The following CLVS1 variants were observed in gnomAD, a reference collection of about 807,000 sequenced individuals.
CLVS1 encodes clavesin-1.
Under a neutral mutation model 33.1 loss-of-function variants are expected in CLVS1, and 10 were observed. The observed-to-expected ratio is 0.30, with a 90% CI of 0.19 to 0.51. The LOEUF is 0.51. Among genes scored for constraint, CLVS1 ranks in the 20% least tolerant of loss-of-function variants. The pLI, the probability that CLVS1 is intolerant of heterozygous loss-of-function variation, is 0.97. For missense variants in CLVS1, 343 were observed against 433.4 expected (o/e 0.79, Z 1.85); for synonymous variants, 163 against 166.1 (o/e 0.98, Z 0.14).
intron 3 of CLVS1, among the ~76,000 whole-genome samples, chr8:61,408,237 A>G (rs969662722): frequency 3.3e-5 from 5 of 152,260 alleles, no homozygotes; most frequent in African/African-American, 1.2e-4. Context: ...AGAGGATGTA[A>G]GGAAGCAATA....
chr8:61,008,464 C>CTTTT, the CLVS1 span, among the ~76,000 whole-genome samples: 1 of 135,040 alleles, frequency 7.4e-6, no homozygotes, highest in Admixed American at 7.4e-5. Context: ...TGGGGATTTA[C>CTTTT]TTTTTTTTTT....
At chr8:61,216,342 T>A (rs1172885239) in intron 2 of CLVS1, among the ~76,000 whole-genome samples, 1 of 152,218 alleles carries the variant, frequency 6.6e-6, no homozygotes, top group Non-Finnish European at 1.5e-5. Context: ...GCCAAAAACA[T>A]GCTCTGGAAG....
chr8:61,425,610 T>C (rs1401716216), intron 3 of CLVS1, among the ~76,000 whole-genome samples: 3 of 152,182 alleles, frequency 2.0e-5, no homozygotes, highest in Non-Finnish European at 4.4e-5. Context: ...TCACCCCCAG[T>C]ACTCCCCTCC....
At chr8:61,162,086 C>T (rs570631249) in intron 2 of CLVS1, among the ~76,000 whole-genome samples, 4 of 152,228 alleles carry the variant, frequency 2.6e-5, no homozygotes, top group South Asian at 4.1e-4. Context: ...ACCTTCTTGC[C>T]GTCTTTCCCA....
chr8:61,392,267 G>A (rs756885435), intron 3 of CLVS1, among the ~76,000 whole-genome samples: 17 of 152,042 alleles, frequency 1.1e-4, no homozygotes, highest in Admixed American at 1.3e-4. Flanking sequence ...AGGAGTTGGA[G>A]GCTGCAGTGA....
intron 2 of CLVS1, among the ~76,000 whole-genome samples, chr8:61,196,935 C>T (rs576091958): frequency 1.3e-5 from 2 of 152,250 alleles, no homozygotes; most frequent in Admixed American, 1.3e-4. Context: ...ATCACTTGCC[C>T]TCTCCCGGGC....
intron 2 of CLVS1, among the ~76,000 whole-genome samples, chr8:61,132,554 T>C (rs1806120297): frequency 6.6e-6 from 1 of 152,218 alleles, no homozygotes; most frequent in African/African-American, 2.4e-5. Context: ...AGAGAATCCC[T>C]GTCTTTTGTC....
At chr8:61,086,871 A>G (rs1259846242) in intron 1 of CLVS1, among the ~76,000 whole-genome samples, 1 of 152,208 alleles carries the variant, frequency 6.6e-6, no homozygotes, top group Admixed American at 6.5e-5. Context: ...CTGTATCCAG[A>G]TGATGCTTGC....
intron 2 of CLVS1, among the ~76,000 whole-genome samples, chr8:61,213,699 G>C (rs1384302041): frequency 6.6e-6 from 1 of 152,078 alleles, no homozygotes; most frequent in Non-Finnish European, 1.5e-5. Flanking sequence ...TGTTGCCTCA[G>C]GACCCTGTAA....
chr8:61,067,461 A>T (rs1312061838), intron 1 of CLVS1, among the ~76,000 whole-genome samples: 1 of 148,698 alleles, frequency 6.7e-6, no homozygotes, highest in Non-Finnish European at 1.5e-5. Flanking sequence ...TTGATATATT[A>T]TTATAATGAT....
chr8:61,031,168 G>C, the CLVS1 span, among the ~76,000 whole-genome samples: 2 of 152,202 alleles, frequency 1.3e-5, no homozygotes, highest in Non-Finnish European at 1.5e-5. Context: ...TGCCAGGCCT[G>C]GTGCCTGGGC....
chr8:61,125,134 T>C (rs1393974176), intron 1 of CLVS1, among the ~76,000 whole-genome samples: 2 of 152,158 alleles, frequency 1.3e-5, no homozygotes, highest in Non-Finnish European at 2.9e-5. Context: ...ATGACACACT[T>C]TGCTCAAGGA....
intron 2 of CLVS1, among the ~76,000 whole-genome samples, chr8:61,164,782 C>G (rs1232812451): frequency 6.6e-6 from 1 of 152,196 alleles, no homozygotes; most frequent in Non-Finnish European, 1.5e-5. Context: ...TTTCTTCCTT[C>G]CTTCTTTCTT....
intron 1 of CLVS1, among the ~76,000 whole-genome samples, chr8:61,091,941 A>G (rs902918288): frequency 6.6e-6 from 1 of 152,260 alleles, no homozygotes; most frequent in Non-Finnish European, 1.5e-5. Flanking sequence ...CTGGCAAGAC[A>G]CAAGAAAAAT....
At chr8:61,210,344 C>T (rs1040684847) in intron 2 of CLVS1, among the ~76,000 whole-genome samples, 2 of 152,152 alleles carry the variant, frequency 1.3e-5, no homozygotes, top group Non-Finnish European at 2.9e-5. Flanking sequence ...CTGAAACTGC[C>T]GATGTCTTGG....
intron 2 of CLVS1, among the ~76,000 whole-genome samples, chr8:61,221,328 A>T (rs559934090): frequency 1.3e-5 from 2 of 152,280 alleles, no homozygotes; most frequent in Admixed American, 6.5e-5. Flanking sequence ...GTTTGTCATA[A>T]ATAGATCCTA....
At chr8:61,188,866 G>A (rs1387910855) in intron 2 of CLVS1, among the ~76,000 whole-genome samples, 1 of 151,988 alleles carries the variant, frequency 6.6e-6, no homozygotes, top group African/African-American at 2.4e-5. Flanking sequence ...GAAAAGGAAT[G>A]GGATATAGGT....
intron 3 of CLVS1, among the ~76,000 whole-genome samples, chr8:61,446,255 T>C (rs1585985641): frequency 6.6e-6 from 1 of 152,316 alleles, no homozygotes; most frequent in South Asian, 2.1e-4. Context: ...AGATTATTGA[T>C]TCAAGACTTT....
chr8:61,447,592 T>C (rs1816801850), intron 3 of CLVS1, among the ~76,000 whole-genome samples: 1 of 152,060 alleles, frequency 6.6e-6, no homozygotes, highest in Admixed American at 6.5e-5. Flanking sequence ...CATGCATTCA[T>C]AACTTATAGT....
Sources: allele counts gnomAD v4.1 joint callset (sites outside exome capture counted in the v4.1 genomes callset), GRCh38; gene constraint gnomAD v4.1.1; transcripts MANE v1.5; gene names NCBI Gene and HGNC (gene_info 2026-07-23, HGNC 2026-07-21).